Variants in STK3 observed in about 807,000 individuals in gnomAD.
STK3 encodes the protein serine/threonine kinase 3.
In STK3, 41 loss-of-function variants were observed where a neutral mutation model predicts 58.0. That is an observed-to-expected ratio of 0.71 (90% CI 0.55 to 0.92). The LOEUF (loss-of-function observed/expected upper bound fraction) is 0.92. Ranked by LOEUF, STK3 falls within the 40% of genes least tolerant of loss-of-function variation. The probability of loss-of-function intolerance (pLI) is 0.00; values close to 1 mark genes in which losing one functional copy is unlikely to be tolerated. For synonymous variants in STK3, 170 were observed against 191.0 expected, an observed-to-expected ratio of 0.89 and a Z score of 0.91; for missense variants, 479 against 602.7, an observed-to-expected ratio of 0.79 and a Z score of 2.15.
chr8:98,403,562 C>A (rs2131029486), intron 3 of STK3, among the ~76,000 whole-genome samples: 1 of 152,184 alleles, frequency 6.6e-6, no homozygotes. Flanking sequence ...AACCCCAGGG[C>A]AAAGGAGCTG....
At position 98,915,398 on chromosome 8, in the gene STK3, T is replaced by G. The variant is rs147402094; in HGVS notation, c.-79+26980A>C. Among the ~76,000 whole-genome samples, 158 of 144,524 alleles carry G rather than the reference T, an allele frequency of 1.1e-3. 2 individuals carry two copies. Among genetic ancestry groups the G allele is most frequent in the African/African-American group, 3.7e-3 (141 of 38,148 alleles). 94.8% of individuals were successfully genotyped at this position (144,524 alleles called of 152,430 possible). A position where few individuals can be genotyped will look rare whatever the true frequency, so the allele number is the denominator to read the frequency against. On this transcript the variant is annotated intron_variant, in intron 1 of 1. Transcript: ENST00000519420. ...CTGCAGACGGCTTACTGTGGGACCT[T>G]GTGATCATGTGAGTTAATACTTAAT...
downstream of STK3, among the ~76,000 whole-genome samples, chr8:98,370,865 C>T (rs953710486): frequency 5.9e-5 from 9 of 152,336 alleles, 1 homozygote; most frequent in Admixed American, 5.9e-4. Flanking sequence ...GTTTTCTTTA[C>T]ACCCGAGTCT....
chr8:98,812,844 C>T (rs1369407255), intron 1 of STK3, among the ~76,000 whole-genome samples: 1 of 152,132 alleles, frequency 6.6e-6, no homozygotes, highest in Non-Finnish European at 1.5e-5. Flanking sequence ...AATGAGAACA[C>T]TTGGACACTG....
rs546413291 is a variant in STK3 at position 98,800,106 on chromosome 8, G to A, written c.27-25287C>T. Among the ~76,000 whole-genome samples, 2 of 152,250 alleles carry A rather than the reference G, an allele frequency of 1.3e-5. No homozygotes were observed. The highest frequency in any genetic ancestry group is 1.3e-4 in the Admixed American group (2 of 15,298). On this transcript the variant is annotated intron_variant, in intron 1 of 10. Transcript: ENST00000419617. This position sits in a 1 kb window ranked among gnomAD's most constrained non-coding sequence, Gnocchi z 4.8. ...GGCTTCTCCCCTTTCTAGGTCCCGT[G>A]GCAGCCATCTTGCCGCTACTCGCCT...
intron 1 of STK3, chr8:98,905,186 C>T: frequency 9.4e-7 from 1 of 1,063,932 alleles, no homozygotes; most frequent in Non-Finnish European, 1.5e-6. Flanking sequence ...AGCAGCCACA[C>T]TGGTCTCCCA....
Position 98,665,865 on chromosome 8 carries a change from G to A in STK3, c.684+40602C>T, listed in dbSNP as rs560174384. Among the ~76,000 whole-genome samples, 13 of 151,986 alleles carry A rather than the reference G, an allele frequency of 8.6e-5. No homozygotes were observed. In the East Asian group the frequency reaches 2.1e-3, roughly 25 times the overall value. ...ACTACATGTGCCCGCCACCACGCCCGGCTAATTTTTTGTATTTTTAGTAGA... is the reference window on the plus strand; with the variant it reads ...ACTACATGTGCCCGCCACCACGCCCAGCTAATTTTTTGTATTTTTAGTAGA... On this transcript the variant is annotated intron_variant, in intron 6 of 10. Coordinates refer to ENST00000419617, the MANE Select transcript of STK3 (RefSeq NM_006281.4).
At chr8:98,768,403 C>A (rs75474404) in intron 2 of STK3, among the ~76,000 whole-genome samples, 4,576 of 152,252 alleles carry the variant, frequency 0.03, 111 homozygotes, top group Non-Finnish European at 0.046. Context: ...AATTTATAAT[C>A]TTTTAAAATA....
chr8:98,413,278 G>T, intron 3 of STK3: 1 of 414,566 alleles, frequency 2.4e-6, no homozygotes, highest in Non-Finnish European at 4.7e-6. Context: ...GCTTCCCAAA[G>T]TATTGGGATT....
At chr8:98,783,724 C>T (rs1832269803) in intron 1 of STK3, among the ~76,000 whole-genome samples, 1 of 152,252 alleles carries the variant, frequency 6.6e-6, no homozygotes, top group African/African-American at 2.4e-5. Flanking sequence ...TCAATCCTCT[C>T]AAACCCTGCC....
intron 8 of STK3, among the ~76,000 whole-genome samples, chr8:98,578,446 T>C (rs909912568): frequency 3.3e-5 from 5 of 152,214 alleles, no homozygotes; most frequent in Non-Finnish European, 7.3e-5. Context: ...AAATAACTCA[T>C]GTAGCTGCAT....
chr8:98,541,242 G>A (rs549943262), intron 9 of STK3, among the ~76,000 whole-genome samples: 1 of 152,112 alleles, frequency 6.6e-6, no homozygotes, highest in Non-Finnish European at 1.5e-5. Context: ...AGTGCTGGAG[G>A]GGGGACTGGT....
chr8:98,696,722 G>A lies in STK3; in HGVS notation c.684+9745C>T, dbSNP rs1270090860. 2.6e-5 allele frequency among the ~76,000 whole-genome samples: 4 copies of A among 152,128 alleles called. No individual in the cohort carries two copies. In the South Asian group the frequency reaches 6.2e-4, roughly 24 times the overall value. On this transcript the variant is annotated intron_variant, in intron 6 of 10. Coordinates refer to ENST00000419617, the MANE Select transcript of STK3 (RefSeq NM_006281.4). ...GGGATGAAGCCCACTTGATCATGGT[G>A]GATAAGCTTTTTGATGTGCTGCTGG...
intron 10 of STK3, among the ~76,000 whole-genome samples, chr8:98,511,905 A>C (rs373721956): frequency 6.6e-6 from 1 of 152,286 alleles, no homozygotes; most frequent in East Asian, 1.9e-4. Flanking sequence ...ATACTGTTTT[A>C]ATGTTTTAGT....
At chr8:98,785,470 T>C (rs1029814720) in intron 1 of STK3, among the ~76,000 whole-genome samples, 12 of 152,122 alleles carry the variant, frequency 7.9e-5, no homozygotes, top group Non-Finnish European at 1.3e-4. Flanking sequence ...CCCACTGGAT[T>C]CTCCCTATGC....
chr8:98,464,685 T>C lies in STK3; in HGVS notation c.1318-8685A>G, dbSNP rs896837465. ...GCATTCTAGTCAATCCAAACTACTA[T>C]GAAGCCTGTTTAAAGAAAACCCTAC... On this transcript the variant is annotated intron_variant, in intron 10 of 10. Transcript: ENST00000419617. Among the ~76,000 whole-genome samples, 6 of 152,112 alleles carry C rather than the reference T, an allele frequency of 3.9e-5. No homozygotes were observed. The East Asian group carries it at 7.7e-4, about 20-fold the overall frequency.
chr8:98,655,460 G>C (rs1345488510), intron 6 of STK3, among the ~76,000 whole-genome samples: 1 of 152,134 alleles, frequency 6.6e-6, no homozygotes, highest in African/African-American at 2.4e-5. Flanking sequence ...AAAAGCAATG[G>C]CAACGAAAGC....
chr8:98,378,132 T>G (rs929629900), intron 2 of STK3, among the ~76,000 whole-genome samples: 2 of 152,158 alleles, frequency 1.3e-5, no homozygotes, highest in Non-Finnish European at 2.9e-5. Context: ...TTCACTGAAC[T>G]CATTTAGGAA....
At chr8:98,567,321 C>T (rs1303267896) in intron 8 of STK3, among the ~76,000 whole-genome samples, 6 of 152,182 alleles carry the variant, frequency 3.9e-5, no homozygotes, top group African/African-American at 1.4e-4. Flanking sequence ...CCTCAGCCTC[C>T]TGAGTAGCTG....
At chr8:98,367,152 T>C (rs1053077454), downstream of STK3, among the ~76,000 whole-genome samples, 2 of 152,260 alleles carry the variant, frequency 1.3e-5, no homozygotes, top group East Asian at 1.9e-4. Context: ...AGGGTTGTTA[T>C]AAGAATTGTG....
Sources: gnomAD v4.1 joint callset for allele counts (sites outside exome capture counted in the v4.1 genomes callset) on GRCh38, gnomAD v4.1.1 for gene constraint, Gnocchi (gnomAD v3.1) non-coding constraint, MANE v1.5 for transcripts, NCBI Gene and HGNC (gene_info 2026-07-23, HGNC 2026-07-21) for gene names.